The following XPO1 variants were observed in gnomAD, a reference collection of about 807,000 sequenced individuals.
XPO1 encodes the protein exportin 1.
Under a neutral mutation model 133.3 loss-of-function variants are expected in XPO1, and 5 were observed. The ratio of observed to expected loss-of-function variants is 0.04; its 90% CI spans 0.02 to 0.08. XPO1 has a LOEUF of 0.08. XPO1 is among the 10% of genes least tolerant of loss of function. XPO1 has a pLI of 1.00. For synonymous variants in XPO1, 419 were observed against 408.2 expected (o/e 1.03, Z -0.32); for missense variants, 506 against 1,267.5 (o/e 0.40, Z 9.12).
At chr2:61,524,595 G>T (rs1382082965) in intron 3 of XPO1, among the ~76,000 whole-genome samples, 1 of 152,166 alleles carries the variant, frequency 6.6e-6, no homozygotes, top group African/African-American at 2.4e-5. Context: ...CTTTGCCTAT[G>T]AAACTAAAAC....
At chr2:61,496,528 T>G (rs758186467) in intron 10 of XPO1, among the ~76,000 whole-genome samples, 1 of 152,152 alleles carries the variant, frequency 6.6e-6, no homozygotes, top group African/African-American at 2.4e-5. Flanking sequence ...GTATTATGAA[T>G]AACCTTCTAG....
At chr2:61,493,774 GAGA>G (rs1454021083) in intron 12 of XPO1, 117 bp downstream of exon 12, 1 of 1,064,066 alleles carries the variant, frequency 9.4e-7, no homozygotes, top group Middle Eastern at 2.1e-4. Context: ...CACACTCATG[GAGA>G]AGTTGTTGGG....
chr2:61,491,124 G>A (rs1696961632), intron 16 of XPO1, among the ~76,000 whole-genome samples: 2 of 151,968 alleles, frequency 1.3e-5, no homozygotes, highest in African/African-American at 4.8e-5. Flanking sequence ...ACTCGAGCCT[G>A]GGTGACAGAG....
intron 12 of XPO1, chr2:61,493,668 G>C: frequency 2.2e-6 from 1 of 456,092 alleles, no homozygotes. Context: ...CAATGAATTT[G>C]CCTAACGAAA....
intron 4 of XPO1, among the ~76,000 whole-genome samples, chr2:61,505,872 G>A (rs968618986): frequency 6.6e-6 from 1 of 152,054 alleles, no homozygotes; most frequent in African/African-American, 2.4e-5. Context: ...CTCTTATACT[G>A]TATATATTTT....
Position 61,490,623 on chromosome 2 carries a change from A to G in XPO1, c.2022+19T>C, listed in dbSNP as rs1344022770. 21 of 1,613,552 alleles carry G rather than the reference A, an allele frequency of 1.3e-5. No homozygotes were observed. The highest frequency in any genetic ancestry group is 1.8e-5 in the Non-Finnish European group (21 of 1,179,890). The stretch of plus-strand genomic sequence containing the variant: ...GTTAAATCCCATGAAAACTTTTAAG[A>G]AAAGGTAGAAATACTTACTTTGGTT... On this transcript the variant is annotated intron_variant, in intron 17 of 24. Coordinates refer to ENST00000401558, the MANE Select transcript of XPO1 (RefSeq NM_003400.4).
At chr2:61,513,392 G>A (rs1698194919) in intron 4 of XPO1, among the ~76,000 whole-genome samples, 1 of 129,914 alleles carries the variant, frequency 7.7e-6, no homozygotes, top group Non-Finnish European at 1.6e-5. Flanking sequence ...TTGAGAGAGA[G>A]TCTTGCTCTG....
rs1479116074 is a variant in XPO1 at position 61,482,961 on chromosome 2, A to G, written c.2808T>C (p.Thr936=). The G allele has an allele frequency of 6.2e-7, 1 of 1,613,436 alleles. No homozygotes were observed. Among genetic ancestry groups the G allele is most frequent in the East Asian group, 2.2e-5 (1 of 44,898 alleles). The change falls in exon 22 of 25, where the codon ACT becomes ACC. Residue 936 remains threonine, a synonymous_variant. Coordinates refer to ENST00000401558, the MANE Select transcript of XPO1 (RefSeq NM_003400.4). ...TAAATCGTATTAAATTCTTACCAGC[A>G]GTATGTGAAGTGTCTGTCACAACAG... ...IFSVVTDTSH[T]AGLTMHASIL... is the part of the protein sequence containing the mutation.
rs1264299428 is a variant in XPO1 at position 61,482,701 on chromosome 2, G to A, written c.2813-162C>T. On this transcript the variant is annotated intron_variant, in intron 22 of 24. Transcript: ENST00000401558. ...GTTCACTGCAACCTCTGCCTCCTCGGTCCAAGCCATTCTCCTGCCTCAGCC... is the reference window on the plus strand; with the variant it reads ...GTTCACTGCAACCTCTGCCTCCTCGATCCAAGCCATTCTCCTGCCTCAGCC... The A allele has an allele frequency of 2.1e-5, 17 of 791,796 alleles. No homozygotes were observed. In the East Asian group the frequency reaches 4.2e-4, roughly 20 times the overall value. 49.0% of individuals were successfully genotyped at this position (791,796 alleles called of 1,614,324 possible).
intron 4 of XPO1, among the ~76,000 whole-genome samples, chr2:61,521,206 G>A (rs576114889): frequency 6.6e-6 from 1 of 152,116 alleles, no homozygotes; most frequent in East Asian, 1.9e-4. Flanking sequence ...AAAAGACACT[G>A]GCATTAAAAT....
At chr2:61,535,111 G>A (rs938499490) in intron 1 of XPO1, among the ~76,000 whole-genome samples, 3 of 152,194 alleles carry the variant, frequency 2.0e-5, no homozygotes, top group African/African-American at 7.2e-5. Context: ...ATCCTTTTAA[G>A]AGGATTCTAC....
intron 16 of XPO1, among the ~76,000 whole-genome samples, chr2:61,491,524 C>T (rs1409180318): frequency 6.6e-6 from 1 of 150,900 alleles, no homozygotes; most frequent in Non-Finnish European, 1.5e-5. Context: ...ACAAAAAACA[C>T]CTGATTTTGT....
intron 19 of XPO1, among the ~76,000 whole-genome samples, chr2:61,486,557 G>A (rs563948297): frequency 2.6e-5 from 4 of 152,136 alleles, no homozygotes; most frequent in South Asian, 4.2e-4. Context: ...CCAGGTTCAC[G>A]CCATTCTCCT....
chr2:61,498,524 G>C, intron 9 of XPO1, 149 bp downstream of exon 9: 1 of 886,368 alleles, frequency 1.1e-6, no homozygotes, highest in Non-Finnish European at 1.7e-6. Flanking sequence ...TAATTTACTA[G>C]GTGTGAATAT....
chr2:61,538,246 TC>T lies in XPO1; in HGVS notation c.-692del. 1 of 159,880 alleles carries T rather than the reference TC, an allele frequency of 6.3e-6. No individual in the cohort carries two copies. The highest frequency in any genetic ancestry group is 1.4e-5 in the Non-Finnish European group (1 of 72,994). The allele number at this position is 159,880 out of a possible 1,614,324, so 9.9% of individuals were successfully genotyped here. A position where few individuals can be genotyped will look rare whatever the true frequency, so the allele number is the denominator to read the frequency against. ...CTGCCGCGGCCGCTGCAGCCGCTTCTCCCCCTCCTCCTAGTGCCTCAAACTC... is the reference window on the plus strand; with the variant it reads ...CTGCCGCGGCCGCTGCAGCCGCTTCTCCCCTCCTCCTAGTGCCTCAAACTC... On this transcript the variant is annotated 5_prime_UTR_variant, in exon 1 of 25. Transcript: ENST00000401558.
intron 24 of XPO1, 148 bp from the exon 25 acceptor site, chr2:61,479,114 A>C (rs773992480): frequency 1.2e-6 from 1 of 862,618 alleles, no homozygotes; most frequent in East Asian, 2.7e-5. Context: ...ATAGTGACAC[A>C]GTATACTACA....
chr2:61,507,119 G>A (rs531596484), intron 4 of XPO1, among the ~76,000 whole-genome samples: 5 of 151,698 alleles, frequency 3.3e-5, no homozygotes, highest in East Asian at 3.9e-4. Context: ...GGTGGCATGC[G>A]CCTGTAGTCC....
At chr2:61,510,067 G>T (rs1238319665) in intron 4 of XPO1, among the ~76,000 whole-genome samples, 1 of 152,024 alleles carries the variant, frequency 6.6e-6, no homozygotes, top group Non-Finnish European at 1.5e-5. Flanking sequence ...ATCACTTGAG[G>T]CCAGGAGTTT....
chr2:61,523,543 A>G (rs1388439203), intron 3 of XPO1, among the ~76,000 whole-genome samples: 1 of 152,228 alleles, frequency 6.6e-6, no homozygotes, highest in African/African-American at 2.4e-5. Context: ...AAGAAAAGGG[A>G]CAAAACCGTT....
Sources: allele counts gnomAD v4.1 joint callset (sites outside exome capture counted in the v4.1 genomes callset), GRCh38; gene constraint gnomAD v4.1.1; transcripts MANE v1.5; gene names NCBI Gene and HGNC (gene_info 2026-07-23, HGNC 2026-07-21).